PIEZO2: variants seen among roughly 807,000 people sequenced by gnomAD.
PIEZO2 encodes piezo-type mechanosensitive ion channel component 2.
A neutral mutation model predicts 337.3 loss-of-function variants in PIEZO2; 172 were observed. That is an observed-to-expected ratio of 0.51 (90% confidence interval 0.45 to 0.58). The LOEUF (loss-of-function observed/expected upper bound fraction) is 0.58. Among genes scored for constraint, PIEZO2 ranks in the 20% least tolerant of loss-of-function variants. The pLI is 0.00. For synonymous variants in PIEZO2, 1,251 were observed against 1,228.5 expected, an observed-to-expected ratio of 1.02 and a Z score of -0.38; for missense variants, 3,028 against 3,391.3, an observed-to-expected ratio of 0.89 and a Z score of 2.66.
At position 11,104,082 on chromosome 18, in the gene PIEZO2, G is replaced by A. The variant is rs1421906405; in HGVS notation, c.65-37860C>T. ...TTCATTTCCAGTTGAAGACAATAGT[G>A]TAATAGGATGTTAAAATTGGATTCT... is the stretch of plus-strand genomic sequence containing the variant. On this transcript the variant is annotated intron_variant, in intron 1 of 55. Coordinates refer to ENST00000674853, the MANE Select transcript of PIEZO2 (RefSeq NM_001378183.1). The surrounding 1 kb of genome is among the most constrained non-coding windows in gnomAD (Gnocchi z 4.6). 6.6e-6 allele frequency among the ~76,000 whole-genome samples: 1 copy of A among 152,140 alleles called. No homozygotes were observed. The highest frequency in any genetic ancestry group is 1.5e-5 in the Non-Finnish European group (1 of 68,030).
intron 1 of PIEZO2, among the ~76,000 whole-genome samples, chr18:11,091,990 G>A (rs1042031325): frequency 2.0e-5 from 3 of 152,172 alleles, no homozygotes; most frequent in Admixed American, 6.6e-5. Flanking sequence ...GTTTCCCCAC[G>A]CTATTAGTGA....
At chr18:10,840,274 G>A (rs2041151132) in intron 7 of PIEZO2, among the ~76,000 whole-genome samples, 1 of 152,156 alleles carries the variant, frequency 6.6e-6, no homozygotes, top group South Asian at 2.1e-4. Flanking sequence ...TATTTTTGAT[G>A]TCATAGAGAT....
intron 11 of PIEZO2, among the ~76,000 whole-genome samples, chr18:10,799,223 C>G (rs2039718016): frequency 6.6e-6 from 1 of 152,146 alleles, no homozygotes; most frequent in South Asian, 2.1e-4. Flanking sequence ...ACTAAAGGCA[C>G]GACAAGGTCT....
intron 34 of PIEZO2, among the ~76,000 whole-genome samples, 67 bp from the exon 35 acceptor site, chr18:10,735,397 T>C (rs2036956176): frequency 6.6e-6 from 1 of 152,160 alleles, no homozygotes; most frequent in Non-Finnish European, 1.5e-5. Flanking sequence ...TAATATATGA[T>C]GTCAGCATGA....
At chr18:11,046,272 C>G (rs1269840173) in intron 2 of PIEZO2, among the ~76,000 whole-genome samples, 1 of 152,240 alleles carries the variant, frequency 6.6e-6, no homozygotes, top group African/African-American at 2.4e-5. Context: ...TCAGTTACTG[C>G]TATTCAAAGA....
rs778484639 is a variant in PIEZO2, at chr18:10,714,914, C to T, written c.5273G>A (p.Arg1758Gln). 9.8e-5 allele frequency: 151 copies of T among 1,536,884 alleles called. No homozygotes were observed. The highest frequency in any genetic ancestry group is 1.2e-4 in the Non-Finnish European group (142 of 1,146,796). Residue 1758 changes from arginine (R) to glutamine (Q), a missense_variant, in exon 39 of 56, where the codon CGG becomes CAG. Arg to Gln is a conservative substitution (Grantham distance 43). Coordinates refer to ENST00000674853, the MANE Select transcript of PIEZO2 (RefSeq NM_001378183.1). ...CTGATAGTACATGTGGATGCTCTCC[C>T]GAGTTGGAACATTGCCCTGAGGAGA... ...REIKKGNVPTRESIHMYYQNH... is the reference protein window; with the variant it reads ...REIKKGNVPTQESIHMYYQNH...
rs556793886 is a variant in PIEZO2, at chr18:11,128,391, G to A, written c.64+20134C>T. 1.3e-5 allele frequency among the ~76,000 whole-genome samples: 2 copies of A among 152,298 alleles called. No individual in the cohort carries two copies. The highest frequency in any genetic ancestry group is 3.9e-4 in the East Asian group (2 of 5,186). On this transcript the variant is annotated intron_variant, in intron 1 of 55. Coordinates refer to ENST00000674853, the MANE Select transcript of PIEZO2 (RefSeq NM_001378183.1). The surrounding 1 kb of genome is among the most constrained non-coding windows in gnomAD (Gnocchi z 4.1). ...GAAAGATACATGCACAGCCCCGCCA[G>A]GTGTCTACTGTTAAAGTGAGGGCAT...
chr18:11,062,453 A>T (rs1235321812), intron 2 of PIEZO2, among the ~76,000 whole-genome samples: 1 of 152,218 alleles, frequency 6.6e-6, no homozygotes, highest in African/African-American at 2.4e-5. Context: ...AAAAGAAACT[A>T]CCATCAGAGT....
chr18:11,025,387 C>A (rs2036501390), intron 2 of PIEZO2, among the ~76,000 whole-genome samples: 1 of 152,120 alleles, frequency 6.6e-6, no homozygotes, highest in Admixed American at 6.5e-5. Context: ...CTTAGTGTTT[C>A]CGTGAATTGC....
At chr18:10,722,231 C>CTTT (rs546174129) in intron 36 of PIEZO2, among the ~76,000 whole-genome samples, 1 of 140,984 alleles carries the variant, frequency 7.1e-6, no homozygotes. Context: ...GGAGGAGAGA[C>CTTT]TTTTTTTTTT....
intron 2 of PIEZO2, among the ~76,000 whole-genome samples, chr18:10,995,381 G>A (rs976344601): frequency 1.3e-5 from 2 of 151,996 alleles, no homozygotes; most frequent in African/African-American, 4.8e-5. Context: ...TTCCTTTGTC[G>A]GATGTGTAGA....
intron 16 of PIEZO2, among the ~76,000 whole-genome samples, chr18:10,786,624 T>C (rs547386297): frequency 2.0e-5 from 3 of 152,300 alleles, no homozygotes; most frequent in Non-Finnish European, 2.9e-5. Flanking sequence ...CTTGGAGAAA[T>C]TTATTTCTTT....
intron 2 of PIEZO2, among the ~76,000 whole-genome samples, chr18:11,050,805 A>T (rs548202229): frequency 7.3e-5 from 11 of 150,426 alleles, no homozygotes; most frequent in Non-Finnish European, 8.8e-5. Flanking sequence ...TATATATATA[A>T]AATTAATAAT....
intron 1 of PIEZO2, among the ~76,000 whole-genome samples, chr18:11,140,983 T>A (rs184519378): frequency 6.6e-6 from 1 of 152,168 alleles, no homozygotes; most frequent in Non-Finnish European, 1.5e-5. Context: ...TCTTGACCCA[T>A]GCAGATGAGT....
chr18:11,059,546 A>G (rs2037859988), intron 2 of PIEZO2, among the ~76,000 whole-genome samples: 1 of 152,244 alleles, frequency 6.6e-6, no homozygotes, highest in Non-Finnish European at 1.5e-5. Flanking sequence ...GGCTCAAAAT[A>G]AAGGGATGGA....
At chr18:11,011,118 C>G (rs2035884513) in intron 2 of PIEZO2, among the ~76,000 whole-genome samples, 2 of 152,188 alleles carry the variant, frequency 1.3e-5, no homozygotes, top group African/African-American at 4.8e-5. Context: ...CACAAATAGC[C>G]TCCTAAAGAC....
At chr18:10,757,112 G>A (rs1482599501) in intron 27 of PIEZO2, among the ~76,000 whole-genome samples, 2 of 149,980 alleles carry the variant, frequency 1.3e-5, no homozygotes, top group Non-Finnish European at 3.0e-5. Context: ...GAGGAGAAAT[G>A]GGGATAAGGA....
intron 2 of PIEZO2, among the ~76,000 whole-genome samples, chr18:11,008,663 C>T (rs1261653228): frequency 1.3e-5 from 2 of 152,222 alleles, no homozygotes; most frequent in Admixed American, 1.3e-4. Flanking sequence ...GTTCCATCTT[C>T]TGCATATCTA....
chr18:10,998,449 G>T (rs1412141031), intron 2 of PIEZO2, among the ~76,000 whole-genome samples: 1 of 151,856 alleles, frequency 6.6e-6, no homozygotes, highest in Non-Finnish European at 1.5e-5. Flanking sequence ...TTTTGGATTT[G>T]GAAATACTTG....
Sources: gnomAD v4.1 joint callset for allele counts (sites outside exome capture counted in the v4.1 genomes callset) on GRCh38, gnomAD v4.1.1 for gene constraint, Gnocchi (gnomAD v3.1) non-coding constraint, MANE v1.5 for transcripts, NCBI Gene and HGNC (gene_info 2026-07-23, HGNC 2026-07-21) for gene names.